The following SLC44A5 variants were observed in gnomAD, a reference collection of about 807,000 sequenced individuals.
SLC44A5 encodes solute carrier family 44 member 5, also known as choline transporter-like protein 5.
In SLC44A5, 57 loss-of-function variants were observed where a neutral mutation model predicts 101.8. The observed-to-expected ratio is 0.56, with a 90% CI of 0.45 to 0.70. The LOEUF is 0.70. Ranked by LOEUF, SLC44A5 falls within the 30% of genes least tolerant of loss-of-function variation. The pLI, the probability that SLC44A5 is intolerant of heterozygous loss-of-function variation, is 0.00. For missense variants in SLC44A5, 737 were observed against 853.1 expected, an observed-to-expected ratio of 0.86 and a Z score of 1.70; for synonymous variants, 281 against 290.9, an observed-to-expected ratio of 0.97 and a Z score of 0.35.
At chr1:75,679,799 G>T in the SLC44A5 span, among the ~76,000 whole-genome samples, 49 of 151,864 alleles carry the variant, frequency 3.2e-4, no homozygotes, top group Middle Eastern at 3.4e-3. Flanking sequence ...AATGCTCCAA[G>T]TAAAAGACAC....
chr1:75,645,348 G>C, the SLC44A5 span, among the ~76,000 whole-genome samples: 6,669 of 152,152 alleles, frequency 0.044, 204 homozygotes, highest in African/African-American at 0.091. Flanking sequence ...ATCTCATTGT[G>C]GTTTTGATTT....
chr1:75,561,941 G>GA, intron 1 of SLC44A5, among the ~76,000 whole-genome samples: 1 of 151,214 alleles, frequency 6.6e-6, no homozygotes, highest in East Asian at 1.9e-4. Flanking sequence ...TTTGTTATAA[G>GA]AACACAATTT....
At chr1:75,280,501 T>C (rs1454842285) in intron 5 of SLC44A5, among the ~76,000 whole-genome samples, 1 of 121,536 alleles carries the variant, frequency 8.2e-6, no homozygotes, top group African/African-American at 3.1e-5. Flanking sequence ...ATATTATATA[T>C]ATATATAAAA....
chr1:75,289,135 CATTTTCTGCT>C (rs1231097035), intron 5 of SLC44A5, among the ~76,000 whole-genome samples: 1 of 152,146 alleles, frequency 6.6e-6, no homozygotes, highest in African/African-American at 2.4e-5. Flanking sequence ...CTGCGTCTTA[CATTTTCTGCT>C]ATTAAAAGGG....
At chr1:75,386,323 C>T (rs1458978224) in intron 3 of SLC44A5, among the ~76,000 whole-genome samples, 16 of 152,028 alleles carry the variant, frequency 1.1e-4, no homozygotes, top group Admixed American at 6.6e-5. Context: ...TTGTCTCAGC[C>T]GAAAATCTCC....
intron 2 of SLC44A5, among the ~76,000 whole-genome samples, chr1:75,528,970 A>G (rs1424276965): frequency 6.6e-6 from 1 of 152,174 alleles, no homozygotes; most frequent in African/African-American, 2.4e-5. Context: ...GCTTCTGTGT[A>G]TTATTATAGT....
At chr1:75,406,581 C>T (rs1467485306) in intron 2 of SLC44A5, among the ~76,000 whole-genome samples, 1 of 152,082 alleles carries the variant, frequency 6.6e-6, no homozygotes, top group African/African-American at 2.4e-5. Flanking sequence ...AAACATAAAC[C>T]ATCACATAAA....
chr1:75,618,612 TAAAC>T, the SLC44A5 span, among the ~76,000 whole-genome samples: 1 of 152,238 alleles, frequency 6.6e-6, no homozygotes. Flanking sequence ...AAAGTATACT[TAAAC>T]AAACATACAT....
At chr1:75,677,386 A>C in the SLC44A5 span, among the ~76,000 whole-genome samples, 1 of 152,230 alleles carries the variant, frequency 6.6e-6, no homozygotes, top group Non-Finnish European at 1.5e-5. Context: ...AATTTGTTTA[A>C]GCAATCAGTG....
the SLC44A5 span, among the ~76,000 whole-genome samples, chr1:75,625,207 C>T: frequency 2.0e-4 from 30 of 152,104 alleles, no homozygotes; most frequent in African/African-American, 7.0e-4. Flanking sequence ...ATGCCTTCTA[C>T]ATTATGACTT....
intron 1 of SLC44A5, among the ~76,000 whole-genome samples, chr1:75,563,312 T>A (rs1248656071): frequency 6.6e-6 from 1 of 151,182 alleles, no homozygotes; most frequent in Non-Finnish European, 1.5e-5. Flanking sequence ...AAGAAAAGTA[T>A]CAGAAGATGA....
intron 2 of SLC44A5, among the ~76,000 whole-genome samples, chr1:75,456,473 C>T (rs1484798085): frequency 6.6e-6 from 1 of 152,146 alleles, no homozygotes; most frequent in South Asian, 2.1e-4. Flanking sequence ...AGGTAACAAG[C>T]CTGCACTTGT....
chr1:75,214,799 C>CT, intron 19 of SLC44A5, 121 bp from the exon 20 acceptor site: 2 of 725,836 alleles, frequency 2.8e-6, no homozygotes, highest in South Asian at 1.9e-5. Flanking sequence ...TATCTCCACT[C>CT]TTTTTTCTAA....
chr1:75,571,581 C>A (rs983380759), intron 1 of SLC44A5, among the ~76,000 whole-genome samples: 1 of 152,056 alleles, frequency 6.6e-6, no homozygotes, highest in Non-Finnish European at 1.5e-5. Context: ...ATATTCAATA[C>A]TTTTTTATAA....
At chr1:75,257,635 A>G (rs1650124352) in intron 6 of SLC44A5, among the ~76,000 whole-genome samples, 4 of 152,144 alleles carry the variant, frequency 2.6e-5, no homozygotes, top group Admixed American at 2.0e-4. Context: ...TGACCCACTC[A>G]GGCACTGAGA....
At chr1:75,583,212 C>T (rs918680788) in intron 1 of SLC44A5, among the ~76,000 whole-genome samples, 1 of 152,160 alleles carries the variant, frequency 6.6e-6, no homozygotes, top group Non-Finnish European at 1.5e-5. Flanking sequence ...CACCCTCAAC[C>T]TTGCCCTTTC....
chr1:75,366,759 G>A (rs1342749616), intron 3 of SLC44A5, among the ~76,000 whole-genome samples: 1 of 151,764 alleles, frequency 6.6e-6, no homozygotes, highest in Non-Finnish European at 1.5e-5. Flanking sequence ...AATTTCAAAT[G>A]AGCTATATTT....
At chr1:75,542,271 C>T (rs1671397658) in intron 1 of SLC44A5, among the ~76,000 whole-genome samples, 2 of 152,060 alleles carry the variant, frequency 1.3e-5, no homozygotes, top group Admixed American at 1.3e-4. Context: ...TAATGACTTC[C>T]ATAACCATAG....
chr1:75,473,127 G>A (rs994466591), intron 2 of SLC44A5, among the ~76,000 whole-genome samples: 1 of 152,196 alleles, frequency 6.6e-6, no homozygotes, highest in Non-Finnish European at 1.5e-5. Context: ...CTTCCTGATT[G>A]AATTACAATC....
Sources: gnomAD v4.1 joint callset for allele counts (sites outside exome capture counted in the v4.1 genomes callset) on GRCh38, gnomAD v4.1.1 for gene constraint, MANE v1.5 for transcripts, NCBI Gene and HGNC (gene_info 2026-07-23, HGNC 2026-07-21) for gene names.